SYNE2: variants seen among roughly 807,000 people sequenced by gnomAD.
SYNE2 encodes nesprin-2.
Under a neutral mutation model 856.3 loss-of-function variants are expected in SYNE2, and 431 were observed. That is an observed-to-expected ratio of 0.50 (90% CI 0.47 to 0.55). The LOEUF (loss-of-function observed/expected upper bound fraction) is 0.55. SYNE2 is among the 20% of genes least tolerant of loss of function. The pLI is 0.00. For missense variants in SYNE2, 8,129 were observed against 8,023.2 expected, an observed-to-expected ratio of 1.01 and a Z score of -0.50; for synonymous variants, 2,923 against 2,872.3, an observed-to-expected ratio of 1.02 and a Z score of -0.56.
chr14:63,923,004 C>A (rs1173341387), intron 2 of SYNE2, among the ~76,000 whole-genome samples: 2 of 152,196 alleles, frequency 1.3e-5, no homozygotes, highest in Non-Finnish European at 2.9e-5. Context: ...TTCAGGCTCA[C>A]ATACCTTGAT....
chr14:63,845,104 G>A (rs770605260), intron 1 of SYNE2, among the ~76,000 whole-genome samples: 2 of 152,066 alleles, frequency 1.3e-5, no homozygotes, highest in Non-Finnish European at 2.9e-5. Context: ...CATATTGCAA[G>A]TTCCATTAAA....
intron 57 of SYNE2, among the ~76,000 whole-genome samples, chr14:64,083,386 C>G (rs1241517021): frequency 6.8e-6 from 1 of 147,042 alleles, no homozygotes; most frequent in Admixed American, 6.7e-5. Context: ...TTTTTTCCTT[C>G]AAATGCTTAT....
rs370992191 is a variant in SYNE2 at position 63,985,147 on chromosome 14, T to C, written c.2151+1261T>C. Among the ~76,000 whole-genome samples, 24 of 152,230 alleles carry C rather than the reference T, an allele frequency of 1.6e-4. No individual in the cohort carries two copies. The South Asian group carries it at 4.8e-3, about 30-fold the overall frequency. On this transcript the variant is annotated intron_variant, in intron 18 of 115. Coordinates refer to ENST00000555002, the MANE Select transcript of SYNE2 (RefSeq NM_182914.3). ...GAGTTTGAGACCAGCCTGGCCAACG[T>C]GGTGAAACCCCGTATTTACTAAAAA... is the stretch of plus-strand genomic sequence containing the variant.
At chr14:63,791,738 T>A (rs536398038) in intron 1 of SYNE2, among the ~76,000 whole-genome samples, 1 of 152,052 alleles carries the variant, frequency 6.6e-6, no homozygotes, top group African/African-American at 2.4e-5. Context: ...GGTCAGGAGA[T>A]TGAGACCATC....
At chr14:64,142,371 ACT>A (rs2098145505) in intron 82 of SYNE2, among the ~76,000 whole-genome samples, 2 of 151,602 alleles carry the variant, frequency 1.3e-5, no homozygotes. Context: ...ATAACCACAG[ACT>A]CTGCCTGACA....
intron 1 of SYNE2, among the ~76,000 whole-genome samples, chr14:63,893,388 T>A (rs2095179514): frequency 6.6e-6 from 1 of 151,846 alleles, no homozygotes; most frequent in African/African-American, 2.4e-5. Context: ...GTGAGACCTA[T>A]TTTTTTGTCA....
At chr14:63,926,294 A>C (rs1279566524) in intron 2 of SYNE2, among the ~76,000 whole-genome samples, 1 of 141,908 alleles carries the variant, frequency 7.0e-6, no homozygotes, top group Non-Finnish European at 1.5e-5. Context: ...GAATTTCCCT[A>C]TTTTGGGCAT....
At chr14:64,048,211 C>T in intron 46 of SYNE2, 56 bp downstream of exon 46, 1 of 1,562,022 alleles carries the variant, frequency 6.4e-7, no homozygotes, top group South Asian at 1.1e-5. Context: ...CAGTGCAATA[C>T]AATATATTTT....
intron 19 of SYNE2, among the ~76,000 whole-genome samples, chr14:63,988,475 A>T (rs1036628903): frequency 6.6e-6 from 1 of 152,224 alleles, no homozygotes; most frequent in Admixed American, 6.5e-5. Context: ...AAAGAGGGAA[A>T]AACTGAAATG....
In SYNE2 at chr14:64,165,419, A is replaced by G. The variant is rs775937516; in HGVS notation, c.16605+9A>G. 1.9e-6 allele frequency: 3 copies of G among 1,613,382 alleles called. No individual in the cohort carries two copies. ...ATCCTGACTCATTCCTGGTATTGCC[A>G]ATATTTGTCTTTTCTAAGGGCTTAG... On this transcript the variant is annotated intron_variant, in intron 90 of 115. Coordinates refer to ENST00000555002, the MANE Select transcript of SYNE2 (RefSeq NM_182914.3).
intron 1 of SYNE2, among the ~76,000 whole-genome samples, chr14:63,804,339 C>T (rs149805265): frequency 0.028 from 4,263 of 151,808 alleles, 79 homozygotes; most frequent in Non-Finnish European, 0.043. Flanking sequence ...TTGATAGTTT[C>T]TTTTGCTGTG....
intron 94 of SYNE2, chr14:64,173,761 G>T: frequency 1.9e-6 from 1 of 515,804 alleles, no homozygotes; most frequent in Non-Finnish European, 3.4e-6. Flanking sequence ...AGAATGCCCA[G>T]CCAGGAAAAC....
At chr14:63,770,838 A>G (rs1474470513) in intron 1 of SYNE2, among the ~76,000 whole-genome samples, 1 of 152,032 alleles carries the variant, frequency 6.6e-6, no homozygotes, top group Admixed American at 6.6e-5. Flanking sequence ...ATAAAAAAAA[A>G]TTTTAAATTC....
intron 1 of SYNE2, among the ~76,000 whole-genome samples, chr14:63,829,026 A>T (rs1315365660): frequency 1.3e-5 from 2 of 152,224 alleles, no homozygotes; most frequent in African/African-American, 4.8e-5. Context: ...GCTATAATAA[A>T]AAAAGACCAA....
intron 34 of SYNE2, among the ~76,000 whole-genome samples, chr14:64,019,510 A>G (rs956252291): frequency 6.6e-6 from 1 of 152,230 alleles, no homozygotes. Context: ...AAGTGAAACT[A>G]TGATTTTCTA....
chr14:64,048,201 C>T lies in SYNE2; in HGVS notation c.7377+46C>T, dbSNP rs955356726. ...TGACAACATGATTGCATCATTTATC[C>T]AGTGCAATACAATATATTTTAATTG... On this transcript the variant is annotated intron_variant, in intron 46 of 115. Coordinates refer to ENST00000555002, the MANE Select transcript of SYNE2 (RefSeq NM_182914.3). 2.5e-6 allele frequency: 4 copies of T among 1,583,114 alleles called. No individual in the cohort carries two copies. The Admixed American group carries it at 5.1e-5, about 20-fold the overall frequency.
rs1251456901 is a variant in SYNE2 at position 64,051,892 on chromosome 14, C to T, written c.7979C>T (p.Ala2660Val). The T allele has an allele frequency of 4.3e-6, 7 of 1,613,912 alleles. No individual in the cohort carries two copies. Among genetic ancestry groups the T allele is most frequent in the Non-Finnish European group, 5.1e-6 (6 of 1,180,038 alleles). ...AGGCTGAAGTCTCCAGAAGAACGGG[C>T]AGGGAACCAAAGCATGATTGCCTTG... ...QLRLKSPEER[A>V]GNQSMIALTT... The change falls in exon 48 of 116, where the codon GCA (alanine) becomes GTA (valine). Residue 2660 changes from alanine to valine, a missense_variant. Ala to Val is a moderately conservative substitution (Grantham distance 64). Around this residue, in one of 3 missense-constraint regions of SYNE2, gnomAD observed 5,410 missense variants for 5,284.8 expected, o/e 1.02. Coordinates refer to ENST00000555002, the MANE Select transcript of SYNE2 (RefSeq NM_182914.3).
At chr14:63,891,674 A>G (rs2095135419) in intron 1 of SYNE2, among the ~76,000 whole-genome samples, 3 of 152,220 alleles carry the variant, frequency 2.0e-5, no homozygotes, top group Admixed American at 6.5e-5. Context: ...TTACAATCAT[A>G]TATGTATATA....
chr14:64,165,518 ATTT>A, intron 90 of SYNE2, 108 bp downstream of exon 90: 4 of 1,037,696 alleles, frequency 3.9e-6, no homozygotes, highest in Non-Finnish European at 5.5e-6. Flanking sequence ...ACTCACTCTT[ATTT>A]TTTTTTTTTG....
Sources: gnomAD v4.1 joint callset for allele counts (sites outside exome capture counted in the v4.1 genomes callset) on GRCh38, gnomAD v4.1.1 for gene constraint, gnomAD v4.1.1 regional missense constraint, MANE v1.5 for transcripts, NCBI Gene and HGNC (gene_info 2026-07-23, HGNC 2026-07-21) for gene names.